The following IL1RAPL1 variants were observed in gnomAD, a reference collection of about 807,000 sequenced individuals.
IL1RAPL1 encodes interleukin 1 receptor accessory protein like 1.
In IL1RAPL1, 3 loss-of-function variants were observed where a neutral mutation model predicts 48.4. The ratio of observed to expected loss-of-function variants is 0.06; its 90% CI spans 0.03 to 0.16. The LOEUF (loss-of-function observed/expected upper bound fraction) is 0.16. IL1RAPL1 is among the 10% of genes least tolerant of loss of function. The pLI is 1.00. For synonymous variants in IL1RAPL1, 185 were observed against 187.7 expected, an observed-to-expected ratio of 0.99 and a Z score of 0.12; for missense variants, 349 against 530.6, an observed-to-expected ratio of 0.66 and a Z score of 3.36.
intron 6 of IL1RAPL1, among the ~76,000 whole-genome samples, chrX:29,902,795 T>C (rs1176255797): frequency 1.8e-5 from 2 of 111,612 alleles, no homozygotes; most frequent in Non-Finnish European, 3.8e-5. Context: ...AGTTGCTTTG[T>C]TCCTAAAAGC....
chrX:29,252,578 G>A (rs763018142), intron 2 of IL1RAPL1, among the ~76,000 whole-genome samples: 1 of 113,150 alleles, frequency 8.8e-6, no homozygotes, highest in Non-Finnish European at 1.9e-5. Context: ...TGTTGTTTTG[G>A]TTCTTCAGTT....
At position 28,873,166 on chromosome X, in the gene IL1RAPL1, A is replaced by G. The variant is rs774886021; in HGVS notation, c.82+83741A>G. On this transcript the variant is annotated intron_variant, in intron 2 of 10. Transcript: ENST00000378993. ...GCTCTTGTCGTCCAGGCAGGAGCAC[A>G]GTGGCACGATCTCGGCTCACTGCAA... 2.3e-3 allele frequency among the ~76,000 whole-genome samples: 218 copies of G among 94,097 alleles called. 1 individual carries two copies. The highest frequency in any genetic ancestry group is 8.7e-3 in the African/African-American group (207 of 23,686). The allele number at this position is 94,097 out of a possible 115,157, so 81.7% of individuals were successfully genotyped here.
intron 3 of IL1RAPL1, chrX:29,368,930 C>A: frequency 8.3e-6 from 1 of 119,877 alleles, no homozygotes; most frequent in South Asian, 2.9e-4. Flanking sequence ...CTCAACTGTT[C>A]TATCTTCTGT....
chrX:29,646,624 A>G (rs188579031), intron 5 of IL1RAPL1, among the ~76,000 whole-genome samples: 1 of 111,153 alleles, frequency 9.0e-6, no homozygotes, highest in African/African-American at 3.3e-5. Flanking sequence ...AATCAGATTC[A>G]GTCTAATCAG....
intron 5 of IL1RAPL1, among the ~76,000 whole-genome samples, chrX:29,467,274 C>T (rs1338773930): frequency 1.8e-5 from 2 of 112,469 alleles, no homozygotes; most frequent in East Asian, 5.6e-4. Context: ...ATGAATCCCA[C>T]ATATGGGGGC....
At chrX:29,453,146 G>A (rs1187214760) in intron 5 of IL1RAPL1, among the ~76,000 whole-genome samples, 2 of 108,780 alleles carry the variant, frequency 1.8e-5, no homozygotes, top group South Asian at 4.1e-4. Flanking sequence ...AGCTGGTCTC[G>A]AACTCCTGAC....
At chrX:29,657,284 C>A (rs1395969010) in intron 5 of IL1RAPL1, among the ~76,000 whole-genome samples, 1 of 111,695 alleles carries the variant, frequency 9.0e-6, no homozygotes, top group African/African-American at 3.3e-5. Flanking sequence ...ATAATTCTTG[C>A]GTTTGTCTTT....
At chrX:28,747,927 G>C (rs1196038746) in intron 1 of IL1RAPL1, among the ~76,000 whole-genome samples, 1 of 111,332 alleles carries the variant, frequency 9.0e-6, no homozygotes, top group African/African-American at 3.3e-5. Context: ...TGATTCCACT[G>C]TATGTGCATT....
chrX:28,918,263 C>G (rs762572687), intron 2 of IL1RAPL1, among the ~76,000 whole-genome samples: 3 of 112,052 alleles, frequency 2.7e-5, no homozygotes, highest in Non-Finnish European at 5.6e-5. Context: ...ACTAACAGTT[C>G]TCACACAAAA....
chrX:29,452,986 G>A (rs1407047297), intron 5 of IL1RAPL1, among the ~76,000 whole-genome samples: 2 of 91,907 alleles, frequency 2.2e-5, no homozygotes, highest in African/African-American at 8.5e-5. Context: ...GTACACTGGC[G>A]CAATCTCGGC....
intron 1 of IL1RAPL1, among the ~76,000 whole-genome samples, chrX:28,678,926 A>C (rs1484065170): frequency 4.5e-5 from 5 of 111,974 alleles, no homozygotes; most frequent in African/African-American, 1.6e-4. Context: ...CCAGAACCAA[A>C]TTTCATTTCC....
At chrX:29,078,426 G>A (rs999979925) in intron 2 of IL1RAPL1, among the ~76,000 whole-genome samples, 4 of 112,520 alleles carry the variant, frequency 3.6e-5, no homozygotes, top group African/African-American at 6.5e-5. Flanking sequence ...CTATCTCTTC[G>A]TACACTTGCA....
intron 1 of IL1RAPL1, among the ~76,000 whole-genome samples, chrX:28,706,464 G>A (rs2146932772): frequency 9.2e-6 from 1 of 109,246 alleles, no homozygotes; most frequent in Admixed American, 9.8e-5. Flanking sequence ...CCAGACTGGG[G>A]TGCAGTGGTG....
At chrX:28,838,978 C>T (rs1002291617) in intron 2 of IL1RAPL1, among the ~76,000 whole-genome samples, 1 of 110,876 alleles carries the variant, frequency 9.0e-6, no homozygotes, top group East Asian at 2.8e-4. Context: ...CTTCATGTCT[C>T]CAGCTCCTAT....
At chrX:28,621,580 C>G (rs1198983082) in intron 1 of IL1RAPL1, among the ~76,000 whole-genome samples, 1 of 111,870 alleles carries the variant, frequency 8.9e-6, no homozygotes, top group East Asian at 2.8e-4. Flanking sequence ...AGTACAAATT[C>G]TATGGCAAAA....
chrX:29,796,597 A>AC (rs749168411), intron 6 of IL1RAPL1, among the ~76,000 whole-genome samples: 2 of 111,200 alleles, frequency 1.8e-5, no homozygotes, highest in Non-Finnish European at 3.8e-5. Flanking sequence ...AGCCTCCATC[A>AC]CCTCTCACCT....
chrX:29,662,645 C>T (rs1925880336), intron 5 of IL1RAPL1, among the ~76,000 whole-genome samples: 1 of 111,942 alleles, frequency 8.9e-6, no homozygotes, highest in Non-Finnish European at 1.9e-5. Context: ...ATTAAATGAA[C>T]AAAATACTAA....
At chrX:28,665,611 C>T (rs998022908) in intron 1 of IL1RAPL1, among the ~76,000 whole-genome samples, 1 of 110,350 alleles carries the variant, frequency 9.1e-6, no homozygotes, top group Non-Finnish European at 1.9e-5. Flanking sequence ...ATGCCTTAGC[C>T]TCCTGTGGAA....
intron 5 of IL1RAPL1, among the ~76,000 whole-genome samples, chrX:29,508,283 G>T (rs1001083612): frequency 1.8e-5 from 2 of 111,442 alleles, no homozygotes; most frequent in Non-Finnish European, 3.8e-5. Context: ...GATTTTTCCA[G>T]TTTGTGGATC....
Sources: allele counts gnomAD v4.1 joint callset (sites outside exome capture counted in the v4.1 genomes callset), GRCh38; gene constraint gnomAD v4.1.1; transcripts MANE v1.5; gene names NCBI Gene and HGNC (gene_info 2026-07-23, HGNC 2026-07-21).